Variants in CCDC141 observed in about 807,000 individuals in gnomAD.
CCDC141 encodes the protein coiled-coil domain-containing protein 141.
In CCDC141, 168 loss-of-function variants were observed where a neutral mutation model predicts 181.0. That is an observed-to-expected ratio of 0.93 (90% CI 0.82 to 1.05). The LOEUF is 1.05. Among genes scored for constraint, CCDC141 ranks in the 50% least tolerant of loss-of-function variants. The pLI, the probability that CCDC141 is intolerant of heterozygous loss-of-function variation, is 0.00. For missense variants in CCDC141, 1,902 were observed against 1,788.5 expected, an observed-to-expected ratio of 1.06 and a Z score of -1.14; for synonymous variants, 666 against 642.3, an observed-to-expected ratio of 1.04 and a Z score of -0.56.
intron 17 of CCDC141, among the ~76,000 whole-genome samples, chr2:178,861,695 T>C (rs1223654455): frequency 6.6e-6 from 1 of 151,632 alleles, no homozygotes; most frequent in African/African-American, 2.4e-5. Flanking sequence ...TTGCCTAGGC[T>C]GGACTGGAAC....
chr2:178,893,205 G>C (rs1687238402), intron 8 of CCDC141, among the ~76,000 whole-genome samples: 1 of 144,872 alleles, frequency 6.9e-6, no homozygotes, highest in South Asian at 2.2e-4. Context: ...AAGTGGAGGG[G>C]GAAGAAAAAT....
chr2:178,867,891 C>A, intron 16 of CCDC141, 135 bp downstream of exon 16: 1 of 679,398 alleles, frequency 1.5e-6, no homozygotes, highest in Non-Finnish European at 2.2e-6. Context: ...AGAAATGAAT[C>A]ACAAATAACT....
chr2:178,926,380 T>G (rs1403320298), intron 6 of CCDC141: 1 of 152,242 alleles, frequency 6.6e-6, no homozygotes, highest in African/African-American at 2.4e-5. Context: ...AACTTGACTC[T>G]GAAAATTACA....
intron 8 of CCDC141, among the ~76,000 whole-genome samples, chr2:178,902,367 T>C (rs1425962661): frequency 2.0e-5 from 3 of 152,214 alleles, no homozygotes; most frequent in Admixed American, 2.0e-4. Context: ...ACTACAAGTC[T>C]ACAGTAACCA....
At chr2:179,043,168 C>G (rs1187900960) in intron 2 of CCDC141, among the ~76,000 whole-genome samples, 1 of 152,018 alleles carries the variant, frequency 6.6e-6, no homozygotes, top group Non-Finnish European at 1.5e-5. Context: ...CAAGACTGAA[C>G]CAGGAAGAAA....
intron 6 of CCDC141, among the ~76,000 whole-genome samples, chr2:178,942,295 G>A (rs370544701): frequency 3.3e-5 from 5 of 152,086 alleles, no homozygotes; most frequent in African/African-American, 1.2e-4. Flanking sequence ...TGTCATGCAG[G>A]CTTGTCTAGA....
At chr2:179,026,165 T>G (rs1052360707) in intron 2 of CCDC141, among the ~76,000 whole-genome samples, 2 of 152,216 alleles carry the variant, frequency 1.3e-5, no homozygotes, top group African/African-American at 4.8e-5. Context: ...CAAATGTTAA[T>G]TCCCACACAA....
In CCDC141 at chr2:178,992,714, T is replaced by G. The variant is rs1010439835; in HGVS notation, c.226-14039A>C. Among the ~76,000 whole-genome samples the G allele has an allele frequency of 2.0e-5, 3 of 152,194 alleles. No individual in the cohort carries two copies. In the South Asian group the frequency reaches 6.2e-4, roughly 32 times the overall value. Reference sequence around the variant, plus strand: ...ATAGGGGTTGCATCGTGATATGGTTTGGCTGTGCCCTCACCCAAATCTCAT... The same window carrying G: ...ATAGGGGTTGCATCGTGATATGGTTGGGCTGTGCCCTCACCCAAATCTCAT... On this transcript the variant is annotated intron_variant, in intron 2 of 23. Coordinates refer to ENST00000443758, the MANE Select transcript of CCDC141 (RefSeq NM_173648.4).
intron 2 of CCDC141, among the ~76,000 whole-genome samples, chr2:178,995,539 T>C (rs79957095): frequency 0.041 from 6,254 of 152,252 alleles, 400 homozygotes; most frequent in East Asian, 0.2. Flanking sequence ...AAGTCCTTTA[T>C]TGGCACATTA....
chr2:178,905,254 T>C, intron 8 of CCDC141, 75 bp downstream of exon 8: 2 of 1,284,588 alleles, frequency 1.6e-6, no homozygotes, highest in Non-Finnish European at 2.1e-6. Context: ...AAGACAATCA[T>C]GCATCTTATT....
At chr2:178,968,628 G>T (rs929985744) in intron 4 of CCDC141, among the ~76,000 whole-genome samples, 1 of 151,878 alleles carries the variant, frequency 6.6e-6, no homozygotes, top group Non-Finnish European at 1.5e-5. Context: ...GCCCACAAAA[G>T]AAAGCAGGAA....
chr2:178,981,028 G>T (rs923601992), intron 2 of CCDC141, among the ~76,000 whole-genome samples: 1 of 152,122 alleles, frequency 6.6e-6, no homozygotes, highest in East Asian at 1.9e-4. Flanking sequence ...TAATAATAAA[G>T]GAGTCAATCT....
intron 2 of CCDC141, among the ~76,000 whole-genome samples, chr2:178,983,511 T>C (rs1359370413): frequency 2.7e-5 from 4 of 150,052 alleles, no homozygotes; most frequent in African/African-American, 9.8e-5. Context: ...ACGATCAAAT[T>C]ATTCTGAGCT....
chr2:178,817,144 G>T, the CCDC141 span, among the ~76,000 whole-genome samples: 3 of 152,138 alleles, frequency 2.0e-5, no homozygotes, highest in Non-Finnish European at 4.4e-5. Context: ...AAGAGTTTTA[G>T]TTCCTGCCCC....
Position 178,961,595 on chromosome 2 carries a change from C to G in CCDC141, c.527-112G>C, listed in dbSNP as rs1295883022. The G allele has an allele frequency of 5.5e-6, 5 of 908,478 alleles. No homozygotes were observed. In the African/African-American group the frequency reaches 8.3e-5, roughly 15 times the overall value. The allele number at this position is 908,478 out of a possible 1,614,324, so 56.3% of individuals were successfully genotyped here. A position where few individuals can be genotyped will look rare whatever the true frequency, so the allele number is the denominator to read the frequency against. On this transcript the variant is annotated intron_variant, in intron 4 of 23. Transcript: ENST00000443758. The stretch of plus-strand genomic sequence containing the variant: ...ATGTAATTTTTATGTTAATAAAAAA[C>G]AAGTTGTGCTGCAAGGAATTAAAAT...
intron 2 of CCDC141, among the ~76,000 whole-genome samples, chr2:179,018,799 T>A (rs2042617379): frequency 6.6e-6 from 1 of 152,174 alleles, no homozygotes; most frequent in African/African-American, 2.4e-5. Context: ...TGTCACTCAT[T>A]TTTGTACTTA....
Position 178,837,178 on chromosome 2 carries a change from C to T in CCDC141, c.4041G>A (p.Glu1347=). The T allele has an allele frequency of 6.2e-7, 1 of 1,613,980 alleles. No individual in the cohort carries two copies. The highest frequency in any genetic ancestry group is 8.5e-7 in the Non-Finnish European group (1 of 1,179,964). ...QAQGGLLETR[E]KMHADNNFTK... ...TGAAGTTATTATCAGCATGCATTTT[C>T]TCCCGTGTTTCTAGCAAACCACCCT... Residue 1347 remains glutamate (E), a synonymous_variant, in exon 23 of 24, where the codon GAG becomes GAA. Transcript: ENST00000443758.
intron 6 of CCDC141, among the ~76,000 whole-genome samples, chr2:178,923,471 T>G (rs1019618935): frequency 2.6e-5 from 4 of 152,188 alleles, no homozygotes; most frequent in Non-Finnish European, 5.9e-5. Flanking sequence ...TTAAAAAATA[T>G]AGTTGTCACC....
the CCDC141 span, among the ~76,000 whole-genome samples, chr2:178,824,137 A>G: frequency 6.6e-6 from 1 of 151,938 alleles, no homozygotes. Context: ...TTCATTCACA[A>G]TGATCCTTAT....
Sources: gnomAD v4.1 joint callset for allele counts (sites outside exome capture counted in the v4.1 genomes callset) on GRCh38, gnomAD v4.1.1 for gene constraint, MANE v1.5 for transcripts, NCBI Gene and HGNC (gene_info 2026-07-23, HGNC 2026-07-21) for gene names.